Variants in RNF150 observed in about 807,000 individuals in gnomAD.
RNF150 encodes the protein ring finger protein 150.
RNF150 carries 24 observed loss-of-function variants against 39.3 expected under a neutral mutation model. The observed-to-expected ratio is 0.61, with a 90% CI of 0.44 to 0.86. The LOEUF (loss-of-function observed/expected upper bound fraction) is 0.86. Among genes scored for constraint, RNF150 ranks in the 40% least tolerant of loss-of-function variants. The probability of loss-of-function intolerance (pLI) is 0.00; values close to 1 mark genes in which losing one functional copy is unlikely to be tolerated. For synonymous variants in RNF150, 255 were observed against 227.3 expected (o/e 1.12, Z -1.10); for missense variants, 502 against 587.8 (o/e 0.85, Z 1.51).
intron 1 of RNF150, among the ~76,000 whole-genome samples, chr4:141,182,784 C>G: frequency 8.5e-6 from 1 of 117,820 alleles, no homozygotes; most frequent in African/African-American, 3.3e-5. Context: ...CAATGCCATC[C>G]CCATCAAGCT....
chr4:140,862,422 C>T lies in RNF150; in HGVS notation c.*5839G>A, dbSNP rs1465450148. 1 of 152,170 alleles carries T rather than the reference C, an allele frequency of 6.6e-6. No homozygotes were observed. Among genetic ancestry groups the T allele is most frequent in the Non-Finnish European group, 1.5e-5 (1 of 68,034 alleles). The allele number at this position is 152,170 out of a possible 1,614,324, so 9.4% of individuals were successfully genotyped here. A position where few individuals can be genotyped will look rare whatever the true frequency, so the allele number is the denominator to read the frequency against. On this transcript the variant is annotated 3_prime_UTR_variant, in exon 7 of 7. Transcript: ENST00000515673. ...TCAAGGCAGGTGAAGAGAGATGTGACTGACCTTAGCAGGTTCTTGTAGAAC... is the reference window on the plus strand; with the variant it reads ...TCAAGGCAGGTGAAGAGAGATGTGATTGACCTTAGCAGGTTCTTGTAGAAC...
At chr4:141,073,667 G>GGT (rs1041050256) in intron 1 of RNF150, among the ~76,000 whole-genome samples, 2 of 53,294 alleles carry the variant, frequency 3.8e-5, no homozygotes, top group Non-Finnish European at 1.7e-4. Flanking sequence ...CAAGCTCGGG[G>GGT]GGGGAAGTCT....
intron 5 of RNF150, among the ~76,000 whole-genome samples, chr4:140,915,110 GA>G (rs552799474): frequency 2.2e-3 from 336 of 152,320 alleles, no homozygotes; most frequent in African/African-American, 7.9e-3. Flanking sequence ...TCAAGGCTCT[GA>G]AGGGCTGTAA....
intron 1 of RNF150, among the ~76,000 whole-genome samples, chr4:141,206,804 G>T (rs368102863): frequency 4.6e-5 from 7 of 152,106 alleles, no homozygotes; most frequent in African/African-American, 1.7e-4. Flanking sequence ...TCTGCCAGCA[G>T]GGAAGAGAGA....
chr4:141,095,281 T>C (rs958071402), intron 1 of RNF150, among the ~76,000 whole-genome samples: 1 of 152,156 alleles, frequency 6.6e-6, no homozygotes, highest in Non-Finnish European at 1.5e-5. Flanking sequence ...GTGAGCTCTC[T>C]TCCATGAGGG....
chr4:140,869,340 GA>G (rs1481011972), intron 6 of RNF150, among the ~76,000 whole-genome samples: 1 of 152,154 alleles, frequency 6.6e-6, no homozygotes, highest in Non-Finnish European at 1.5e-5. Flanking sequence ...TGGAAGCAAA[GA>G]AACCAAAAAT....
Position 140,868,313 on chromosome 4 carries a change from A to G in RNF150, c.1265T>C (p.Leu422Pro). ...GTCAGTGGAAAGTTCTACATCAGAC[A>G]GTCCAACCTCCATTGCCATGATCAA... ...ISLIMAMEVG[L>P]SDVELSTDQD... Residue 422 changes from leucine (L) to proline (P), a missense_variant, in exon 7 of 7, where the codon CTG becomes CCG. By Grantham distance (98) the Leu-to-Pro change is moderately conservative. Coordinates refer to ENST00000515673, the MANE Select transcript of RNF150 (RefSeq NM_020724.2). The G allele has an allele frequency of 6.2e-7, 1 of 1,613,154 alleles. No homozygotes were observed. The highest frequency in any genetic ancestry group is 1.1e-5 in the South Asian group (1 of 91,062).
intron 1 of RNF150, among the ~76,000 whole-genome samples, chr4:141,143,824 C>A (rs781470003): frequency 6.6e-6 from 1 of 152,268 alleles, no homozygotes; most frequent in East Asian, 1.9e-4. Context: ...TTTCCCTCAC[C>A]CTTCAAAGGA....
chr4:140,987,801 T>C (rs1242931063), intron 1 of RNF150, among the ~76,000 whole-genome samples: 2 of 151,956 alleles, frequency 1.3e-5, no homozygotes, highest in African/African-American at 4.8e-5. Flanking sequence ...GCAAAAGAAA[T>C]TGTCAACAGA....
rs762256652 is a variant in RNF150, at chr4:140,911,329, A to C, written c.1013T>G (p.Leu338Trp). ...CAGAGAGCCCTCGAAGTCAGTGGGCAAGTCGTCCATGCAGTCGGCATTGGG... is the reference window on the plus strand; with the variant it reads ...CAGAGAGCCCTCGAAGTCAGTGGGCCAGTCGTCCATGCAGTCGGCATTGGG... ...IPPNADCMDD[L>W]PTDFEGSLGG... Residue 338 changes from leucine (L) to tryptophan (W), a missense_variant, in exon 6 of 7, where the codon TTG becomes TGG. Leu to Trp is a moderately conservative substitution (Grantham distance 61). Coordinates refer to ENST00000515673, the MANE Select transcript of RNF150 (RefSeq NM_020724.2). 1 of 1,614,142 alleles carries C rather than the reference A, an allele frequency of 6.2e-7. No homozygotes were observed. The highest frequency in any genetic ancestry group is 8.5e-7 in the Non-Finnish European group (1 of 1,180,022).
intron 1 of RNF150, among the ~76,000 whole-genome samples, chr4:141,097,607 T>C (rs1738842851): frequency 6.6e-6 from 1 of 152,134 alleles, no homozygotes; most frequent in African/African-American, 2.4e-5. Flanking sequence ...TAATACTAGA[T>C]ATTGTGCTGT....
At chr4:141,185,258 T>A (rs951017850) in intron 1 of RNF150, among the ~76,000 whole-genome samples, 1 of 152,128 alleles carries the variant, frequency 6.6e-6, no homozygotes, top group African/African-American at 2.4e-5. Flanking sequence ...CCTTGTAAGT[T>A]GTATTCCTAG....
At chr4:140,923,029 C>A (rs1034572013) in intron 5 of RNF150, among the ~76,000 whole-genome samples, 2 of 150,600 alleles carry the variant, frequency 1.3e-5, no homozygotes, top group African/African-American at 5.0e-5. Flanking sequence ...AGAAGAAAAC[C>A]TAGGCAATAC....
At chr4:140,966,419 G>C (rs1733245973) in intron 2 of RNF150, among the ~76,000 whole-genome samples, 1 of 152,010 alleles carries the variant, frequency 6.6e-6, no homozygotes, top group South Asian at 2.1e-4. Context: ...TAAAATAAAA[G>C]ACAATGACAA....
At position 141,017,198 on chromosome 4, in the gene RNF150, C is replaced by T. The variant is rs541709602; in HGVS notation, c.485-49325G>A. Among the ~76,000 whole-genome samples the T allele has an allele frequency of 3.3e-5, 5 of 152,220 alleles. No homozygotes were observed. The East Asian group carries it at 5.8e-4, about 18-fold the overall frequency. Reference sequence around the variant, plus strand: ...AGCCCCTCAGGCTTAAAATACCTCACGTGGAATTTGTCAACTTTCTCAAAA... The same window carrying T: ...AGCCCCTCAGGCTTAAAATACCTCATGTGGAATTTGTCAACTTTCTCAAAA... On this transcript the variant is annotated intron_variant, in intron 1 of 6. Coordinates refer to ENST00000515673, the MANE Select transcript of RNF150 (RefSeq NM_020724.2).
intron 1 of RNF150, among the ~76,000 whole-genome samples, chr4:141,119,117 G>T (rs990063996): frequency 1.3e-5 from 2 of 152,070 alleles, no homozygotes; most frequent in African/African-American, 4.8e-5. Context: ...ATAACAAAAG[G>T]CTAATGCTAC....
chr4:140,964,871 G>A (rs1733173853), intron 2 of RNF150, among the ~76,000 whole-genome samples: 1 of 151,940 alleles, frequency 6.6e-6, no homozygotes, highest in African/African-American at 2.4e-5. Flanking sequence ...CTAGATTCAT[G>A]GTATGGTTTA....
intron 1 of RNF150, among the ~76,000 whole-genome samples, chr4:141,155,454 G>A (rs543583762): frequency 3.0e-4 from 46 of 152,154 alleles, no homozygotes; most frequent in Non-Finnish European, 5.1e-4. Context: ...CCTACAGGCC[G>A]AGAAGCATAG....
chr4:140,990,150 C>T (rs986127462), intron 1 of RNF150, among the ~76,000 whole-genome samples: 3 of 152,142 alleles, frequency 2.0e-5, no homozygotes, highest in African/African-American at 7.2e-5. Context: ...TCTGCAACAC[C>T]CAGGAGTGAA....
Sources: allele counts gnomAD v4.1 joint callset (sites outside exome capture counted in the v4.1 genomes callset), GRCh38; gene constraint gnomAD v4.1.1; transcripts MANE v1.5; gene names NCBI Gene and HGNC (gene_info 2026-07-23, HGNC 2026-07-21).